MLH3: variants seen among roughly 807,000 people sequenced by gnomAD.
The protein encoded by MLH3 is DNA mismatch repair protein Mlh3.
In MLH3, 82 loss-of-function variants were observed where a neutral mutation model predicts 122.2. That is an observed-to-expected ratio of 0.67 (90% CI 0.56 to 0.81). The LOEUF (loss-of-function observed/expected upper bound fraction) is 0.81. Ranked by LOEUF, MLH3 falls within the 30% of genes least tolerant of loss-of-function variation. The pLI, the probability that MLH3 is intolerant of heterozygous loss-of-function variation, is 0.00. For synonymous variants in MLH3, 524 were observed against 599.5 expected, an observed-to-expected ratio of 0.87 and a Z score of 1.84; for missense variants, 1,539 against 1,714.5, an observed-to-expected ratio of 0.90 and a Z score of 1.81.
chr14:75,020,131 G>A (rs1017800077), intron 11 of MLH3, among the ~76,000 whole-genome samples: 20 of 152,278 alleles, frequency 1.3e-4, no homozygotes, highest in Admixed American at 8.5e-4. Context: ...CAGAGGCCCC[G>A]ACGCTGACAA....
At chr14:75,049,770 C>T (rs533629624) in intron 1 of MLH3, 52 bp from the exon 2 acceptor site, 6 of 1,056,802 alleles carry the variant, frequency 5.7e-6, no homozygotes, top group African/African-American at 4.7e-5. Flanking sequence ...TAGCATTACA[C>T]AGCATTATGA....
In MLH3 at chr14:75,049,689, T is replaced by C. The variant is rs1316982611; in HGVS notation, c.-34A>G. The C allele has an allele frequency of 3.1e-6, 5 of 1,602,622 alleles. No individual in the cohort carries two copies. The Admixed American group carries it at 8.6e-5, about 28-fold the overall frequency. ...GAAAGATGGTGAGAATGCCAGGCAC[T>C]GGTTTCCTTCTCTGACTGGAAATAA... On this transcript the variant is annotated 5_prime_UTR_variant, in exon 2 of 13. Coordinates refer to ENST00000355774, the MANE Select transcript of MLH3 (RefSeq NM_001040108.2).
At chr14:75,020,390 A>G (rs1043129929) in intron 11 of MLH3, among the ~76,000 whole-genome samples, 38 of 152,216 alleles carry the variant, frequency 2.5e-4, no homozygotes, top group African/African-American at 8.4e-4. Context: ...AGAGAAGAGC[A>G]GCTTGAAAGG....
In MLH3 at chr14:75,014,013, C is replaced by T. The variant is rs1324255398; in HGVS notation, c.*3069G>A. ...GTGGCTCTTCAGGTGGAAAACAGGTCGTGGGGGTCAGGTTTTGGGTGCCTG... is the reference window on the plus strand; with the variant it reads ...GTGGCTCTTCAGGTGGAAAACAGGTTGTGGGGGTCAGGTTTTGGGTGCCTG... On this transcript the variant is annotated 3_prime_UTR_variant, in exon 13 of 13. Coordinates refer to ENST00000355774, the MANE Select transcript of MLH3 (RefSeq NM_001040108.2). 2.2e-5 allele frequency: 4 copies of T among 181,452 alleles called. No homozygotes were observed. Among genetic ancestry groups the T allele is most frequent in the Non-Finnish European group, 4.7e-5 (4 of 85,198 alleles). 11.2% of individuals were successfully genotyped at this position (181,452 alleles called of 1,614,324 possible).
chr14:75,037,751 G>A (rs175074), intron 6 of MLH3, among the ~76,000 whole-genome samples: 70,612 of 151,480 alleles, frequency 0.47, 17,037 homozygotes, highest in African/African-American at 0.56. Context: ...CCAGGAGTTC[G>A]AGACCTACCT....
At chr14:75,035,878 C>T (rs1477409752) in intron 6 of MLH3, among the ~76,000 whole-genome samples, 3 of 152,092 alleles carry the variant, frequency 2.0e-5, no homozygotes, top group Non-Finnish European at 4.4e-5. Context: ...TCACCCTCAC[C>T]CTCTGTAGTC....
chr14:75,042,237 G>T, intron 3 of MLH3, 142 bp downstream of exon 3: 1 of 757,390 alleles, frequency 1.3e-6, no homozygotes, highest in Non-Finnish European at 2.3e-6. Context: ...AATTAGTTCC[G>T]CTGTTAAACA....
At chr14:75,039,665 C>A (rs944968635) in intron 5 of MLH3, among the ~76,000 whole-genome samples, 1 of 151,402 alleles carries the variant, frequency 6.6e-6, no homozygotes, top group African/African-American at 2.4e-5. Context: ...TAATTCATTC[C>A]CTCCAAACCT....
At position 75,048,772 on chromosome 14, in the gene MLH3, C is replaced by A. The variant is rs774323111; in HGVS notation, c.884G>T (p.Arg295Leu). 6.2e-7 allele frequency: 1 copy of A among 1,613,920 alleles called. No homozygotes were observed. The highest frequency in any genetic ancestry group is 1.3e-5 in the African/African-American group (1 of 74,888). The change falls in exon 2 of 13, where the codon CGG becomes CTG. Residue 295 changes from arginine (R) to leucine (L), a missense_variant. Coordinates refer to ENST00000355774, the MANE Select transcript of MLH3 (RefSeq NM_001040108.2). Reference protein sequence around the residue: ...PTSRQMNSSLRHRSTPELYGI... With the variant: ...PTSRQMNSSLLHRSTPELYGI... ...ATAGAGTTCTGGGGTAGACCGGTGC[C>A]GAAGACTTGAATTCATTTGCCTACT...
At chr14:75,033,358 T>C in intron 7 of MLH3, 61 bp downstream of exon 7, 3 of 1,316,018 alleles carry the variant, frequency 2.3e-6, no homozygotes, top group Non-Finnish European at 3.3e-6. Context: ...GAAAAGCTCT[T>C]TGAGGTGTAC....
chr14:75,021,975 T>C (rs1430618092), intron 11 of MLH3, among the ~76,000 whole-genome samples: 1 of 152,164 alleles, frequency 6.6e-6, no homozygotes, highest in Non-Finnish European at 1.5e-5. Flanking sequence ...GTGGTACATA[T>C]ACATCATGGA....
At chr14:75,042,596 C>T in intron 2 of MLH3, 119 bp from the exon 3 acceptor site, 1 of 726,120 alleles carries the variant, frequency 1.4e-6, no homozygotes, top group Non-Finnish European at 2.4e-6. Flanking sequence ...AAGCAGACTA[C>T]TAAACACTAG....
At position 75,040,004 on chromosome 14, in the gene MLH3, A is replaced by C; in HGVS notation, c.3477T>G (p.Asp1159Glu). Reference protein sequence around the residue: ...VFARYPEVAVDVSSGQAESLA... With the variant: ...VFARYPEVAVEVSSGQAESLA... ...AGCTCTCAGCCTGGCCACTGCTTAC[A>C]TCAACAGCAACCTAGAAAGACTCAG... is the stretch of plus-strand genomic sequence containing the variant. The change falls in exon 5 of 13, where the codon GAT becomes GAG. Residue 1159 changes from aspartate (D) to glutamate (E), a missense_variant. Asp to Glu is a conservative substitution (Grantham distance 45). Coordinates refer to ENST00000355774, the MANE Select transcript of MLH3 (RefSeq NM_001040108.2). 5 of 1,573,724 alleles carry C rather than the reference A, an allele frequency of 3.2e-6. No individual in the cohort carries two copies. Among genetic ancestry groups the C allele is most frequent in the Non-Finnish European group, 4.4e-6 (5 of 1,145,502 alleles).
At chr14:75,036,824 C>T (rs1426968760) in intron 6 of MLH3, 1 of 454,824 alleles carries the variant, frequency 2.2e-6, no homozygotes, top group Non-Finnish European at 4.4e-6. Flanking sequence ...CTGACTCTAT[C>T]TCCTAAATAT....
intron 5 of MLH3, among the ~76,000 whole-genome samples, chr14:75,039,016 C>T (rs1421486095): frequency 6.6e-6 from 1 of 151,898 alleles, no homozygotes; most frequent in East Asian, 1.9e-4. Context: ...CGCCACCACG[C>T]CCAGCTAATT....
At position 75,042,779 on chromosome 14, in the gene MLH3, C is replaced by CT. The variant is rs923247988; in HGVS notation, c.3281-303dup. Among the ~76,000 whole-genome samples the CT allele has an allele frequency of 2.8e-3, 395 of 142,368 alleles. 4 individuals are homozygous for CT. The highest frequency in any genetic ancestry group is 3.6e-3 in the Middle Eastern group (1 of 274). The allele number at this position is 142,368 out of a possible 152,430, so 93.4% of individuals were successfully genotyped here. A position where few individuals can be genotyped will look rare whatever the true frequency, so the allele number is the denominator to read the frequency against. On this transcript the variant is annotated intron_variant, in intron 2 of 12. Coordinates refer to ENST00000355774, the MANE Select transcript of MLH3 (RefSeq NM_001040108.2). Reference sequence around the variant, plus strand: ...GGGACATTGGCAATGTCTTGAGACCCTTTTTTTTTTTTTTGAGACGGCGTC... The same window carrying CT: ...GGGACATTGGCAATGTCTTGAGACCCTTTTTTTTTTTTTTTGAGACGGCGTC...
At chr14:75,033,532 A>T in intron 6 of MLH3, 42 bp from the exon 7 acceptor site, 1 of 1,484,494 alleles carries the variant, frequency 6.7e-7, no homozygotes, top group South Asian at 1.1e-5. Flanking sequence ...TCAGAGCAAG[A>T]CGACAACCAT....
intron 11 of MLH3, chr14:75,020,620 T>A (rs549965332): frequency 5.9e-5 from 9 of 152,282 alleles, no homozygotes; most frequent in African/African-American, 2.2e-4. Context: ...TGACTCACAG[T>A]TCTGCATGGC....
At chr14:75,037,355 A>G (rs565915194) in intron 6 of MLH3, among the ~76,000 whole-genome samples, 2 of 152,304 alleles carry the variant, frequency 1.3e-5, no homozygotes, top group East Asian at 3.9e-4. Flanking sequence ...TTTCTCCATT[A>G]CAGGGGCTAG....
Sources: gnomAD v4.1 joint callset for allele counts (sites outside exome capture counted in the v4.1 genomes callset) on GRCh38, gnomAD v4.1.1 for gene constraint, MANE v1.5 for transcripts, NCBI Gene and HGNC (gene_info 2026-07-23, HGNC 2026-07-21) for gene names.